The following TRIM37 variants were observed in gnomAD, a reference collection of about 807,000 sequenced individuals.
TRIM37 encodes E3 ubiquitin-protein ligase TRIM37.
A neutral mutation model predicts 129.8 loss-of-function variants in TRIM37; 80 were observed. The ratio of observed to expected loss-of-function variants is 0.62; its 90% CI spans 0.51 to 0.74. The LOEUF is 0.74. Among genes scored for constraint, TRIM37 ranks in the 30% least tolerant of loss-of-function variants. The pLI, the probability that TRIM37 is intolerant of heterozygous loss-of-function variation, is 0.00. For missense variants in TRIM37, 1,054 were observed against 1,176.5 expected, an observed-to-expected ratio of 0.90 and a Z score of 1.52; for synonymous variants, 389 against 387.1, an observed-to-expected ratio of 1.00 and a Z score of -0.06.
chr17:59,041,267 G>A (rs2039125104), intron 17 of TRIM37, among the ~76,000 whole-genome samples: 1 of 152,164 alleles, frequency 6.6e-6, no homozygotes, highest in South Asian at 2.1e-4. Context: ...CACAAACCCA[G>A]GACAATCTGG....
rs1439071027 is a variant in TRIM37 at position 59,015,753 on chromosome 17, T to G, written c.2433A>C (p.Arg811=). 2.5e-6 allele frequency: 4 copies of G among 1,613,836 alleles called. No homozygotes were observed. The highest frequency in any genetic ancestry group is 3.4e-6 in the Non-Finnish European group (4 of 1,180,014). ...CACCGATACTGCCATGTATCAAGGC[T>G]CGGGGAGAACTGTGCCTGCTCCCAG... ...SQSGSRHSSP[R]ALIHGSIGDI... The change falls in exon 21 of 24, where the codon CGA becomes CGC. Residue 811 remains arginine (R), a synonymous_variant. Transcript: ENST00000262294.
At chr17:59,007,216 C>G (rs2034628435) in intron 22 of TRIM37, among the ~76,000 whole-genome samples, 1 of 20,210 alleles carries the variant, frequency 4.9e-5, no homozygotes. Flanking sequence ...CTAAAACCAC[C>G]CCACCCCCAC....
chr17:59,095,393 A>G (rs1209914390), intron 2 of TRIM37, among the ~76,000 whole-genome samples: 2 of 152,194 alleles, frequency 1.3e-5, no homozygotes, highest in Non-Finnish European at 2.9e-5. Context: ...CTGAGTCTAC[A>G]CTTTGCAGGA....
At chr17:59,085,206 A>G (rs1405700449) in intron 4 of TRIM37, among the ~76,000 whole-genome samples, 1 of 151,550 alleles carries the variant, frequency 6.6e-6, no homozygotes, top group Non-Finnish European at 1.5e-5. Context: ...CACTCCTACA[A>G]CCCCAGCTAC....
Position 59,014,425 on chromosome 17 carries a change from T to C in TRIM37, c.2576+1185A>G, listed in dbSNP as rs2145017090. ...CTGCCACATCCATAGCCAATATCCA[T>C]AATCACTCTATCTTTTGAATAGATG... On this transcript the variant is annotated intron_variant, in intron 21 of 23. Transcript: ENST00000262294. 1.3e-5 allele frequency among the ~76,000 whole-genome samples: 2 copies of C among 152,308 alleles called. 1 individual carries two copies. The highest frequency in any genetic ancestry group is 3.9e-4 in the East Asian group (2 of 5,186).
chr17:59,088,240 A>T (rs915280876), intron 4 of TRIM37, 51 bp downstream of exon 4: 1 of 1,224,088 alleles, frequency 8.2e-7, no homozygotes, highest in Non-Finnish European at 1.2e-6. Context: ...GTCATTAAAC[A>T]ATACAAAGGC....
intron 22 of TRIM37, among the ~76,000 whole-genome samples, chr17:59,011,176 A>C (rs1427299707): frequency 6.6e-6 from 1 of 152,000 alleles, no homozygotes; most frequent in Non-Finnish European, 1.5e-5. Flanking sequence ...CTCGGGGAAA[A>C]AAAAAAAACA....
At chr17:59,040,742 C>T (rs2039047078) in intron 17 of TRIM37, among the ~76,000 whole-genome samples, 1 of 152,230 alleles carries the variant, frequency 6.6e-6, no homozygotes, top group East Asian at 1.9e-4. Context: ...CTTTAGTTAT[C>T]CCAGCATATT....
chr17:59,068,809 C>T (rs949889631), intron 9 of TRIM37, among the ~76,000 whole-genome samples: 14 of 152,070 alleles, frequency 9.2e-5, no homozygotes, highest in African/African-American at 2.4e-4. Context: ...GCATCTATAA[C>T]GAGTAAGAAG....
intron 16 of TRIM37, among the ~76,000 whole-genome samples, chr17:59,044,239 C>A (rs767081801): frequency 6.6e-6 from 1 of 152,068 alleles, no homozygotes; most frequent in Admixed American, 6.6e-5. Flanking sequence ...CCCAGGAGGT[C>A]GAGGTTGCAG....
Position 59,001,600 on chromosome 17 carries a change from T to C in TRIM37, c.2810A>G (p.Glu937Gly), listed in dbSNP as rs1477112285. 6.2e-7 allele frequency: 1 copy of C among 1,614,006 alleles called. No individual in the cohort carries two copies. The highest frequency in any genetic ancestry group is 1.1e-5 in the South Asian group (1 of 91,072). ...TAAAATGACATCATGTGCTGCACCT[T>C]CATCCGGGGGCTGTGTCATGACCAT... ...SFMVMTQPPD[E>G]DTHSSFPDGE... Residue 937 changes from glutamate (E) to glycine (G), a missense_variant and splice_region_variant, in exon 23 of 24, where the codon GAA becomes GGA. Around this residue, in one of 3 missense-constraint regions of TRIM37, gnomAD observed 287 missense variants for 274.3 expected, o/e 1.05. Coordinates refer to ENST00000262294, the MANE Select transcript of TRIM37 (RefSeq NM_015294.6).
the TRIM37 span, among the ~76,000 whole-genome samples, chr17:58,973,690 C>T: frequency 6.6e-6 from 1 of 151,818 alleles, no homozygotes; most frequent in South Asian, 2.1e-4. Flanking sequence ...CAGTGGGTCA[C>T]GCCTGTATTC....
At chr17:59,029,938 C>G (rs2037654750) in intron 18 of TRIM37, among the ~76,000 whole-genome samples, 1 of 152,172 alleles carries the variant, frequency 6.6e-6, no homozygotes, top group Non-Finnish European at 1.5e-5. Context: ...TTTCTCCTTT[C>G]TAAAAGCTCT....
intron 19 of TRIM37, among the ~76,000 whole-genome samples, chr17:59,025,664 A>G (rs1221662452): frequency 6.6e-6 from 1 of 152,072 alleles, no homozygotes; most frequent in Non-Finnish European, 1.5e-5. Context: ...CAGGTTTGGC[A>G]TCACCCGAAT....
In TRIM37 at chr17:59,015,744, T is replaced by C; in HGVS notation, c.2442A>G (p.Ile814Met). 1 of 1,614,072 alleles carries C rather than the reference T, an allele frequency of 6.2e-7. No homozygotes were observed. The highest frequency in any genetic ancestry group is 8.5e-7 in the Non-Finnish European group (1 of 1,180,018). ...GSRHSSPRAL[I>M]HGSIGDILPK... is the part of the protein sequence containing the mutation. ...GCAGAATATCACCGATACTGCCATGTATCAAGGCTCGGGGAGAACTGTGCC... is the reference window on the plus strand; with the variant it reads ...GCAGAATATCACCGATACTGCCATGCATCAAGGCTCGGGGAGAACTGTGCC... Residue 814 changes from isoleucine (I) to methionine (M), a missense_variant, in exon 21 of 24, where the codon ATA becomes ATG. Ile to Met is a conservative substitution (Grantham distance 10). Coordinates refer to ENST00000262294, the MANE Select transcript of TRIM37 (RefSeq NM_015294.6).
chr17:59,062,010 C>T (rs2041536554), intron 11 of TRIM37, among the ~76,000 whole-genome samples: 2 of 151,328 alleles, frequency 1.3e-5, no homozygotes, highest in Non-Finnish European at 2.9e-5. Flanking sequence ...TTGTGTAATG[C>T]CATTATACAA....
intron 22 of TRIM37, among the ~76,000 whole-genome samples, chr17:59,009,369 C>G (rs1196341872): frequency 1.3e-5 from 2 of 151,830 alleles, no homozygotes; most frequent in African/African-American, 4.8e-5. Context: ...CTCAGGTGAT[C>G]TGCCCACCTC....
chr17:59,105,336 C>A (rs1278076146), intron 1 of TRIM37, among the ~76,000 whole-genome samples: 1 of 152,066 alleles, frequency 6.6e-6, no homozygotes, highest in Non-Finnish European at 1.5e-5. Flanking sequence ...TTATTTGAAC[C>A]TGAGATTCTG....
intron 9 of TRIM37, among the ~76,000 whole-genome samples, chr17:59,068,043 A>G (rs1243748114): frequency 6.6e-6 from 1 of 152,232 alleles, no homozygotes; most frequent in Non-Finnish European, 1.5e-5. Flanking sequence ...TAATGTCACG[A>G]ATGCTGATCT....
Sources: allele counts gnomAD v4.1 joint callset (sites outside exome capture counted in the v4.1 genomes callset), GRCh38; gene constraint gnomAD v4.1.1; regional missense constraint gnomAD v4.1.1; transcripts MANE v1.5; gene names NCBI Gene and HGNC (gene_info 2026-07-23, HGNC 2026-07-21).